STXBP6: variants seen among roughly 807,000 people sequenced by gnomAD.
The protein encoded by STXBP6 is syntaxin binding protein 6.
A neutral mutation model predicts 26.9 loss-of-function variants in STXBP6; 21 were observed. The ratio of observed to expected loss-of-function variants is 0.78; its 90% CI spans 0.55 to 1.12. The LOEUF (loss-of-function observed/expected upper bound fraction) is 1.12. Among genes scored for constraint, STXBP6 ranks in the 50% most tolerant of loss-of-function variants. The pLI, the probability that STXBP6 is intolerant of heterozygous loss-of-function variation, is 0.00. For synonymous variants in STXBP6, 97 were observed against 92.6 expected, an observed-to-expected ratio of 1.05 and a Z score of -0.27; for missense variants, 232 against 257.9, an observed-to-expected ratio of 0.90 and a Z score of 0.69.
chr14:25,018,274 G>C (rs1051202539), intron 1 of STXBP6, among the ~76,000 whole-genome samples: 8 of 151,914 alleles, frequency 5.3e-5, no homozygotes, highest in Admixed American at 2.6e-4. Context: ...TACTAGCGTG[G>C]GTGCCTACCC....
intron 2 of STXBP6, among the ~76,000 whole-genome samples, chr14:24,860,281 C>T (rs1363959925): frequency 6.6e-6 from 1 of 152,106 alleles, no homozygotes; most frequent in East Asian, 1.9e-4. Context: ...ATAAGCCAGC[C>T]AATAACAAAG....
At chr14:25,028,960 G>T (rs2075399977) in intron 1 of STXBP6, among the ~76,000 whole-genome samples, 3 of 152,190 alleles carry the variant, frequency 2.0e-5, no homozygotes, top group Admixed American at 2.0e-4. Context: ...TTAGCCTGAA[G>T]ATGTGACTAC....
intron 2 of STXBP6, among the ~76,000 whole-genome samples, chr14:24,926,321 A>T (rs563718364): frequency 4.6e-4 from 68 of 148,662 alleles, no homozygotes; most frequent in African/African-American, 1.7e-3. Context: ...AGCGGAGAAT[A>T]AACACACTTT....
Position 25,049,546 on chromosome 14 carries a change from A to T in STXBP6, c.-33+332T>A. 1 of 985,450 alleles carries T rather than the reference A, an allele frequency of 1.0e-6. No homozygotes were observed. Among genetic ancestry groups the T allele is most frequent in the Non-Finnish European group, 1.2e-6 (1 of 830,026 alleles). The allele number at this position is 985,450 out of a possible 1,614,324, so 61.0% of individuals were successfully genotyped here. ...ATGCCATCGCGGGGACGGTGCGGAA[A>T]AAAAGGCTCCATCCTCAACTTTCTC... On this transcript the variant is annotated intron_variant, in intron 1 of 5. Coordinates refer to ENST00000323944, the MANE Select transcript of STXBP6 (RefSeq NM_001394410.1). This position sits in a 1 kb window ranked among gnomAD's most constrained non-coding sequence, Gnocchi z 5.6.
intron 2 of STXBP6, among the ~76,000 whole-genome samples, chr14:24,904,562 GAT>G (rs2071322818): frequency 6.6e-6 from 1 of 152,210 alleles, no homozygotes; most frequent in African/African-American, 2.4e-5. Flanking sequence ...CGCATTTGGA[GAT>G]AGGGCCTTTA....
intron 2 of STXBP6, among the ~76,000 whole-genome samples, chr14:24,967,314 T>C (rs551930412): frequency 6.6e-6 from 1 of 151,830 alleles, no homozygotes; most frequent in South Asian, 2.1e-4. Context: ...CAAAGCAGGC[T>C]GATGCCACCC....
At chr14:24,817,968 C>T (rs1339126929) in intron 5 of STXBP6, 2 of 442,402 alleles carry the variant, frequency 4.5e-6, no homozygotes, top group East Asian at 1.4e-4. Context: ...CCCAGCTGGA[C>T]CTGAGCGTGA....
intron 2 of STXBP6, among the ~76,000 whole-genome samples, chr14:24,903,121 C>A (rs954363275): frequency 7.2e-5 from 11 of 152,262 alleles, no homozygotes; most frequent in African/African-American, 2.6e-4. Context: ...ACCAAGATTT[C>A]TTTATTGAAT....
intron 2 of STXBP6, among the ~76,000 whole-genome samples, chr14:24,936,857 C>T (rs1434163584): frequency 6.6e-6 from 1 of 152,200 alleles, no homozygotes; most frequent in Non-Finnish European, 1.5e-5. Flanking sequence ...TATTTCAGCA[C>T]TATTCACAAT....
At position 24,952,877 on chromosome 14, in the gene STXBP6, G is replaced by C. The variant is rs527719449; in HGVS notation, c.154+21788C>G. Among the ~76,000 whole-genome samples the C allele has an allele frequency of 3.2e-4, 48 of 152,302 alleles. No homozygotes were observed. In the South Asian group the frequency reaches 8.5e-3, roughly 27 times the overall value. On this transcript the variant is annotated intron_variant, in intron 2 of 5. Coordinates refer to ENST00000323944, the MANE Select transcript of STXBP6 (RefSeq NM_001394410.1). ...GAGGAAACCATACCAGGAAGCTTTT[G>C]AGAGTAAGATATCCCCAACCATACT...
intron 2 of STXBP6, among the ~76,000 whole-genome samples, chr14:24,860,916 C>T (rs768611282): frequency 1.4e-5 from 2 of 146,590 alleles, no homozygotes; most frequent in African/African-American, 2.5e-5. Context: ...TATATACCAC[C>T]TCTACATCCT....
At chr14:24,978,113 G>T (rs2074097590) in intron 1 of STXBP6, among the ~76,000 whole-genome samples, 1 of 152,222 alleles carries the variant, frequency 6.6e-6, no homozygotes, top group Non-Finnish European at 1.5e-5. Flanking sequence ...GAAAGTAAAA[G>T]GGGTACTGTC....
chr14:24,893,809 T>C (rs2070878016), intron 2 of STXBP6, among the ~76,000 whole-genome samples: 1 of 152,210 alleles, frequency 6.6e-6, no homozygotes, highest in African/African-American at 2.4e-5. Flanking sequence ...AGATCACAAA[T>C]ATCAATGCCT....
chr14:24,872,307 T>C (rs12893496), intron 2 of STXBP6, among the ~76,000 whole-genome samples: 24,649 of 152,134 alleles, frequency 0.16, 2,360 homozygotes, highest in Non-Finnish European at 0.23. Context: ...CAAACCTACA[T>C]TGGCAAATCA....
At position 24,951,890 on chromosome 14, in the gene STXBP6, A is replaced by G. The variant is rs529051988; in HGVS notation, c.154+22775T>C. ...AAAAACAATTTTTATACTTTCTTTG[A>G]ATTTACATCTATGAAATATAAATAC... On this transcript the variant is annotated intron_variant, in intron 2 of 5. Transcript: ENST00000323944. Among the ~76,000 whole-genome samples, 6 of 151,922 alleles carry G rather than the reference A, an allele frequency of 3.9e-5. No individual in the cohort carries two copies. The South Asian group carries it at 1.2e-3, about 31-fold the overall frequency.
intron 1 of STXBP6, among the ~76,000 whole-genome samples, chr14:24,991,797 G>A (rs1235237227): frequency 1.3e-5 from 2 of 152,236 alleles, no homozygotes; most frequent in African/African-American, 4.8e-5. Context: ...TTTTCTCCAT[G>A]ACTGCACAGC....
At chr14:24,912,881 T>G (rs1004298612) in intron 2 of STXBP6, among the ~76,000 whole-genome samples, 2 of 152,194 alleles carry the variant, frequency 1.3e-5, no homozygotes, top group African/African-American at 4.8e-5. Context: ...CCTATTTTAC[T>G]AAAACACTGG....
intron 2 of STXBP6, among the ~76,000 whole-genome samples, chr14:24,960,028 G>A (rs1181875013): frequency 4.6e-5 from 7 of 152,166 alleles, no homozygotes; most frequent in Admixed American, 1.3e-4. Context: ...GTTCCAAAAG[G>A]GGAGCAGACA....
At chr14:24,912,420 A>T (rs1388111926) in intron 2 of STXBP6, among the ~76,000 whole-genome samples, 3 of 148,336 alleles carry the variant, frequency 2.0e-5, no homozygotes, top group Non-Finnish European at 3.0e-5. Flanking sequence ...TGGCTGGGTA[A>T]GGTTTATAGA....
Sources: allele counts gnomAD v4.1 joint callset (sites outside exome capture counted in the v4.1 genomes callset), GRCh38; gene constraint gnomAD v4.1.1; non-coding constraint Gnocchi (gnomAD v3.1); transcripts MANE v1.5; gene names NCBI Gene and HGNC (gene_info 2026-07-23, HGNC 2026-07-21).